IPO8: variants seen among roughly 807,000 people sequenced by gnomAD.
IPO8 encodes the protein importin-8.
In IPO8, 65 loss-of-function variants were observed where a neutral mutation model predicts 141.2. That is an observed-to-expected ratio of 0.46 (90% CI 0.38 to 0.57). The LOEUF is 0.57. Ranked by LOEUF, IPO8 falls within the 20% of genes least tolerant of loss-of-function variation. IPO8 has a pLI of 0.00. For missense variants in IPO8, 980 were observed against 1,246.8 expected, an observed-to-expected ratio of 0.79 and a Z score of 3.22; for synonymous variants, 411 against 420.3, an observed-to-expected ratio of 0.98 and a Z score of 0.27.
intron 20 of IPO8, among the ~76,000 whole-genome samples, chr12:30,644,372 T>TC: frequency 6.9e-6 from 1 of 145,210 alleles, no homozygotes; most frequent in African/African-American, 2.6e-5. Flanking sequence ...CAATCTCCAT[T>TC]AAAAAAAAAA....
In IPO8 at chr12:30,676,598, G is replaced by A. The variant is rs1295174778; in HGVS notation, c.640-11C>T. On this transcript the variant is annotated splice_polypyrimidine_tract_variant and intron_variant, in intron 5 of 24. Transcript: ENST00000256079. ...AAGAGGCAATGCATACTGGAAAAGA[G>A]AAGAACAACATGAACAGTAATTCCT... The A allele has an allele frequency of 2.4e-5, 38 of 1,585,272 alleles. No individual in the cohort carries two copies. The highest frequency in any genetic ancestry group is 3.1e-5 in the Non-Finnish European group (36 of 1,153,980).
At chr12:30,635,439 T>C (rs370218246) in intron 22 of IPO8, among the ~76,000 whole-genome samples, 2 of 152,228 alleles carry the variant, frequency 1.3e-5, no homozygotes, top group South Asian at 4.1e-4. Context: ...TATAATTTGC[T>C]AATTTATAAT....
chr12:30,671,127 T>C lies in IPO8; in HGVS notation c.910-31A>G, dbSNP rs1477511300. The C allele has an allele frequency of 3.4e-6, 5 of 1,462,486 alleles. No individual in the cohort carries two copies. In the Admixed American group the frequency reaches 5.1e-5, roughly 15 times the overall value. The allele number at this position is 1,462,486 out of a possible 1,614,324, so 90.6% of individuals were successfully genotyped here. ...AGAAAACAGAAAATACAGACTAACA[T>C]AAACAATTATAAGGTTAAAAGGGGG... On this transcript the variant is annotated intron_variant, in intron 8 of 24. Coordinates refer to ENST00000256079, the MANE Select transcript of IPO8 (RefSeq NM_006390.4).
At chr12:30,638,873 G>C (rs572530793) in intron 21 of IPO8, among the ~76,000 whole-genome samples, 2 of 152,000 alleles carry the variant, frequency 1.3e-5, no homozygotes, top group Non-Finnish European at 2.9e-5. Flanking sequence ...GGGTTTCACC[G>C]TGTTAGCCAG....
intron 17 of IPO8, among the ~76,000 whole-genome samples, chr12:30,654,305 A>T (rs973725468): frequency 1.3e-5 from 2 of 150,234 alleles, no homozygotes; most frequent in Non-Finnish European, 2.9e-5. Flanking sequence ...TGGTCCAGGG[A>T]ATGATTTTTT....
At chr12:30,647,746 C>T (rs572097960) in intron 20 of IPO8, among the ~76,000 whole-genome samples, 28 of 151,636 alleles carry the variant, frequency 1.8e-4, no homozygotes, top group Non-Finnish European at 2.9e-4. Context: ...AAATGATACC[C>T]GATAACAGGC....
At chr12:30,674,214 C>T in intron 7 of IPO8, 140 bp from the exon 8 acceptor site, 2 of 572,088 alleles carry the variant, frequency 3.5e-6, no homozygotes, top group East Asian at 5.6e-5. Flanking sequence ...TCCCACAAGC[C>T]ACAAAATGAA....
chr12:30,662,467 G>T lies in IPO8; in HGVS notation c.1615C>A (p.His539Asn), dbSNP rs758161093. 1.2e-6 allele frequency: 2 copies of T among 1,611,390 alleles called. No homozygotes were observed. Among genetic ancestry groups the T allele is most frequent in the East Asian group, 4.5e-5 (2 of 44,848 alleles). The change falls in exon 15 of 25, where the codon CAT becomes AAT. Residue 539 changes from histidine to asparagine, a missense_variant. Physicochemically the swap from His to Asn is moderately conservative, Grantham distance 68. Coordinates refer to ENST00000256079, the MANE Select transcript of IPO8 (RefSeq NM_006390.4). Reference protein sequence around the residue: ...QIQAKEYMKPHVRPIMQELLH... With the variant: ...QIQAKEYMKPNVRPIMQELLH... ...AGTTCCTGCATAATAGGCCTCACAT[G>T]TGGCTTCATATATTCCTTAGCTAAT...
chr12:30,664,047 A>T (rs1163101609), intron 13 of IPO8, among the ~76,000 whole-genome samples: 1 of 152,218 alleles, frequency 6.6e-6, no homozygotes, highest in African/African-American at 2.4e-5. Context: ...TAACTGGTTT[A>T]GTAAGCTTCC....
rs1253842774 is a variant in IPO8, at chr12:30,695,667, G to A, written c.-20C>T. ...GTCCATCTCCCCGGGTGGGGGCTCC[G>A]CGGCCCCCGGAACAGTAGGCCGGAC... On this transcript the variant is annotated 5_prime_UTR_variant, in exon 1 of 25. Coordinates refer to ENST00000256079, the MANE Select transcript of IPO8 (RefSeq NM_006390.4). This position sits in a 1 kb window ranked among gnomAD's most constrained non-coding sequence, Gnocchi z 4.2. 1 of 1,610,738 alleles carries A rather than the reference G, an allele frequency of 6.2e-7. No individual in the cohort carries two copies. Among genetic ancestry groups the A allele is most frequent in the Admixed American group, 1.7e-5 (1 of 59,974 alleles).
At chr12:30,634,907 G>C (rs1378460536) in intron 22 of IPO8, among the ~76,000 whole-genome samples, 1 of 152,088 alleles carries the variant, frequency 6.6e-6, no homozygotes, top group East Asian at 1.9e-4. Flanking sequence ...CAATAGCCAA[G>C]TTACAGAATC....
chr12:30,644,736 C>T (rs1332825522), intron 20 of IPO8, among the ~76,000 whole-genome samples: 1 of 151,748 alleles, frequency 6.6e-6, no homozygotes, highest in African/African-American at 2.4e-5. Flanking sequence ...TCACTGCAAC[C>T]TCCGCCTCTG....
intron 5 of IPO8, chr12:30,676,835 A>G (rs2053126923): frequency 9.0e-7 from 1 of 1,114,410 alleles, no homozygotes; most frequent in African/African-American, 1.5e-5. Flanking sequence ...AAACAAATGA[A>G]TACCACTGAG....
chr12:30,682,083 A>G (rs1390556074), intron 3 of IPO8, among the ~76,000 whole-genome samples: 1 of 152,184 alleles, frequency 6.6e-6, no homozygotes, highest in African/African-American at 2.4e-5. Context: ...ATTGTTTTAA[A>G]TAGTTTAAAA....
intron 9 of IPO8, among the ~76,000 whole-genome samples, 159 bp from the exon 10 acceptor site, chr12:30,669,441 T>C (rs781161090): frequency 2.0e-5 from 3 of 152,168 alleles, no homozygotes; most frequent in African/African-American, 7.2e-5. Context: ...CTATTATAGT[T>C]CTTATTTTGA....
chr12:30,650,936 GA>G (rs1365152168), intron 19 of IPO8, among the ~76,000 whole-genome samples: 2 of 151,902 alleles, frequency 1.3e-5, no homozygotes, highest in Non-Finnish European at 2.9e-5. Context: ...TAATATTATA[GA>G]AAGTGCTTAG....
chr12:30,630,151 C>G lies in IPO8; in HGVS notation c.*709G>C, dbSNP rs936840027. On this transcript the variant is annotated 3_prime_UTR_variant, in exon 25 of 25. Transcript: ENST00000256079. ...GAAACTGATATGTGTATTTGTTGAC[C>G]CCAAAAGAAATACCACCCCTTTTCA... The G allele has an allele frequency of 2.0e-5, 3 of 151,902 alleles. No individual in the cohort carries two copies. The highest frequency in any genetic ancestry group is 4.4e-5 in the Non-Finnish European group (3 of 67,988). The allele number at this position is 151,902 out of a possible 1,614,324, so 9.4% of individuals were successfully genotyped here.
At chr12:30,653,562 T>C (rs1302981113) in intron 17 of IPO8, among the ~76,000 whole-genome samples, 2 of 152,068 alleles carry the variant, frequency 1.3e-5, no homozygotes, top group Non-Finnish European at 2.9e-5. Context: ...GGGCAGTATT[T>C]TGTCAATTTA....
chr12:30,654,540 A>G (rs940422158), intron 17 of IPO8, among the ~76,000 whole-genome samples: 1 of 152,060 alleles, frequency 6.6e-6, no homozygotes, highest in Non-Finnish European at 1.5e-5. Context: ...AAATAACCCA[A>G]CTTAAAAATG....
Sources: gnomAD v4.1 joint callset for allele counts (sites outside exome capture counted in the v4.1 genomes callset) on GRCh38, gnomAD v4.1.1 for gene constraint, Gnocchi (gnomAD v3.1) non-coding constraint, MANE v1.5 for transcripts, NCBI Gene and HGNC (gene_info 2026-07-23, HGNC 2026-07-21) for gene names.